Variants in PITPNC1 observed in about 807,000 individuals in gnomAD.
PITPNC1 encodes the protein phosphatidylinositol transfer protein cytoplasmic 1.
A neutral mutation model predicts 44.7 loss-of-function variants in PITPNC1; 18 were observed. The observed-to-expected ratio is 0.40, with a 90% CI of 0.28 to 0.60. The LOEUF (loss-of-function observed/expected upper bound fraction) is 0.60. PITPNC1 is among the 20% of genes least tolerant of loss of function. The pLI, the probability that PITPNC1 is intolerant of heterozygous loss-of-function variation, is 0.39. For synonymous variants in PITPNC1, 141 were observed against 149.6 expected, an observed-to-expected ratio of 0.94 and a Z score of 0.42; for missense variants, 290 against 418.4, an observed-to-expected ratio of 0.69 and a Z score of 2.68.
chr17:67,571,541 A>G (rs946675827), intron 4 of PITPNC1, among the ~76,000 whole-genome samples: 2 of 152,242 alleles, frequency 1.3e-5, no homozygotes, highest in African/African-American at 4.8e-5. Context: ...CAGGCAACTC[A>G]CCAGGTAGAA....
At chr17:67,545,376 G>A (rs1253455997) in intron 2 of PITPNC1, among the ~76,000 whole-genome samples, 2 of 151,978 alleles carry the variant, frequency 1.3e-5, no homozygotes, top group African/African-American at 2.4e-5. Context: ...TCAGGCGTTT[G>A]AGACCAGCCT....
At chr17:67,527,335 TAC>T (rs1461735512) in intron 1 of PITPNC1, among the ~76,000 whole-genome samples, 2 of 152,190 alleles carry the variant, frequency 1.3e-5, no homozygotes, top group African/African-American at 4.8e-5. Flanking sequence ...CTCTGTAACA[TAC>T]AGTCTTCAAC....
At chr17:67,417,783 C>G (rs1033168319) in intron 1 of PITPNC1, among the ~76,000 whole-genome samples, 1 of 152,090 alleles carries the variant, frequency 6.6e-6, no homozygotes, top group African/African-American at 2.4e-5. Context: ...TGGCTCCTGT[C>G]TGTAATCCCA....
chr17:67,631,829 C>T (rs1410674903), intron 5 of PITPNC1, among the ~76,000 whole-genome samples: 6 of 150,066 alleles, frequency 4.0e-5, no homozygotes, highest in Non-Finnish European at 8.9e-5. Context: ...AATCAGCAGA[C>T]TTCAGTTTGG....
chr17:67,442,275 G>T lies in PITPNC1; in HGVS notation c.48+64073G>T, dbSNP rs1285746554. 5.0e-5 allele frequency among the ~76,000 whole-genome samples: 6 copies of T among 120,798 alleles called. No homozygotes were observed. The South Asian group carries it at 1.8e-3, about 36-fold the overall frequency. 79.2% of individuals were successfully genotyped at this position (120,798 alleles called of 152,430 possible). On this transcript the variant is annotated intron_variant, in intron 1 of 8. Coordinates refer to ENST00000581322, the MANE Select transcript of PITPNC1 (RefSeq NM_012417.4). ...CATGAAAATATCCTCCCATATTGTG[G>T]ACCAAGTGGAAAAGTTAATGAAGCT... is the stretch of plus-strand genomic sequence containing the variant.
rs2040773538 is a variant in PITPNC1, at chr17:67,552,133, G to A, written c.198-124G>A. On this transcript the variant is annotated intron_variant, in intron 2 of 8. Coordinates refer to ENST00000581322, the MANE Select transcript of PITPNC1 (RefSeq NM_012417.4). ...AGACCGAAGAGATGGGGAAAGGGCA[G>A]CTGTGGAGAAAAGAGATGCCCCAGA... 3 of 665,082 alleles carry A rather than the reference G, an allele frequency of 4.5e-6. No individual in the cohort carries two copies. In the South Asian group the frequency reaches 5.0e-5, roughly 11 times the overall value. 41.2% of individuals were successfully genotyped at this position (665,082 alleles called of 1,614,324 possible).
In PITPNC1 at chr17:67,588,526, C is replaced by T. The variant is rs376103506; in HGVS notation, c.366+10269C>T. Among the ~76,000 whole-genome samples, 4 of 152,160 alleles carry T rather than the reference C, an allele frequency of 2.6e-5. No individual in the cohort carries two copies. In the East Asian group the frequency reaches 5.8e-4, roughly 22 times the overall value. On this transcript the variant is annotated intron_variant, in intron 5 of 8. Coordinates refer to ENST00000581322, the MANE Select transcript of PITPNC1 (RefSeq NM_012417.4). ...CCAGGGCACGAAGCCTCCCTTTGTC[C>T]GTCAACTCTGCTCTGTATATGCTAC...
At chr17:67,435,505 G>C (rs1204350308) in intron 1 of PITPNC1, among the ~76,000 whole-genome samples, 1 of 152,202 alleles carries the variant, frequency 6.6e-6, no homozygotes, top group Non-Finnish European at 1.5e-5. Flanking sequence ...GCCCCCATGG[G>C]GCTGACATTG....
At chr17:67,399,135 C>T (rs886980505) in intron 1 of PITPNC1, among the ~76,000 whole-genome samples, 1 of 151,816 alleles carries the variant, frequency 6.6e-6, no homozygotes, top group Non-Finnish European at 1.5e-5. Flanking sequence ...CTGCCTCAGC[C>T]TCCCGAGTAG....
chr17:67,432,404 C>T (rs1372753483), intron 1 of PITPNC1, among the ~76,000 whole-genome samples: 2 of 152,206 alleles, frequency 1.3e-5, no homozygotes. Context: ...AGGAGAATGG[C>T]GTGAACCTGG....
intron 5 of PITPNC1, among the ~76,000 whole-genome samples, chr17:67,623,884 CACCAAATCTAGA>C (rs1432205310): frequency 6.6e-6 from 1 of 152,116 alleles, no homozygotes. Flanking sequence ...CTAGAGAAAT[CACCAAATCTAGA>C]AACAAATCTA....
intron 7 of PITPNC1, among the ~76,000 whole-genome samples, chr17:67,671,718 G>A (rs779799918): frequency 4.6e-5 from 7 of 152,056 alleles, no homozygotes; most frequent in East Asian, 1.9e-4. Flanking sequence ...AATGTGATAC[G>A]TAGAAATCAA....
At chr17:67,539,615 G>T (rs2040577092) in intron 2 of PITPNC1, among the ~76,000 whole-genome samples, 1 of 152,184 alleles carries the variant, frequency 6.6e-6, no homozygotes, top group Non-Finnish European at 1.5e-5. Flanking sequence ...GAGGCGGGTG[G>T]ATCACGAGGT....
At chr17:67,621,162 G>T (rs1392427068) in intron 5 of PITPNC1, among the ~76,000 whole-genome samples, 2 of 113,118 alleles carry the variant, frequency 1.8e-5, no homozygotes, top group Non-Finnish European at 4.2e-5. Flanking sequence ...GACTACTAGA[G>T]TACTCTTGTC....
chr17:67,462,601 C>G lies in PITPNC1; in HGVS notation c.49-70201C>G, dbSNP rs1215767647. On this transcript the variant is annotated intron_variant, in intron 1 of 8. Transcript: ENST00000581322. ...AGACAAAAATACCACTTAGTAGGCA[C>G]TTTACCAATACATATCATGCTAGAA... Among the ~76,000 whole-genome samples the G allele has an allele frequency of 5.9e-5, 9 of 151,896 alleles. No homozygotes were observed. In the South Asian group the frequency reaches 1.5e-3, roughly 25 times the overall value.
At chr17:67,505,234 G>T (rs556059821) in intron 1 of PITPNC1, among the ~76,000 whole-genome samples, 2 of 152,160 alleles carry the variant, frequency 1.3e-5, no homozygotes, top group South Asian at 4.1e-4. Flanking sequence ...GGTCTAATTG[G>T]CTTATAATGT....
rs1567984772 is a variant in PITPNC1, at chr17:67,425,206, CACACACA to C, written c.48+47005_48+47011del. Among the ~76,000 whole-genome samples, 5 of 25,484 alleles carry C rather than the reference CACACACA, an allele frequency of 2.0e-4. 1 individual carries two copies. The highest frequency in any genetic ancestry group is 1.6e-3 in the African/African-American group (5 of 3,196). The allele number at this position is 25,484 out of a possible 152,430, so 16.7% of individuals were successfully genotyped here. On this transcript the variant is annotated intron_variant, in intron 1 of 8. Transcript: ENST00000581322. ...TGTTGTGCGCGCGCACGCACACGCA[CACACACA>C]CACACACACACACACACACACACAC...
chr17:67,433,650 G>A (rs1353100572), intron 1 of PITPNC1, among the ~76,000 whole-genome samples: 1 of 152,152 alleles, frequency 6.6e-6, no homozygotes, highest in Non-Finnish European at 1.5e-5. Flanking sequence ...GTTTGAGGCT[G>A]CAGTGAGCTA....
intron 7 of PITPNC1, among the ~76,000 whole-genome samples, chr17:67,670,934 T>C (rs914447187): frequency 8.6e-5 from 13 of 151,862 alleles, no homozygotes; most frequent in Non-Finnish European, 2.9e-5. Context: ...CAGGCTGGAG[T>C]ACAGTGGCAC....
Sources: gnomAD v4.1 joint callset for allele counts (sites outside exome capture counted in the v4.1 genomes callset) on GRCh38, gnomAD v4.1.1 for gene constraint, MANE v1.5 for transcripts, NCBI Gene and HGNC (gene_info 2026-07-23, HGNC 2026-07-21) for gene names.